Variants in TMEM63B observed in about 807,000 individuals in gnomAD.
TMEM63B encodes transmembrane protein 63B.
Under a neutral mutation model 102.6 loss-of-function variants are expected in TMEM63B, and 23 were observed. The ratio of observed to expected loss-of-function variants is 0.22; its 90% CI spans 0.16 to 0.32. The LOEUF (loss-of-function observed/expected upper bound fraction) is 0.32. TMEM63B is among the 10% of genes least tolerant of loss of function. The pLI, the probability that TMEM63B is intolerant of heterozygous loss-of-function variation, is 1.00. For synonymous variants in TMEM63B, 444 were observed against 437.0 expected, an observed-to-expected ratio of 1.02 and a Z score of -0.20; for missense variants, 628 against 1,095.9, an observed-to-expected ratio of 0.57 and a Z score of 6.03.
At chr6:44,135,463 T>C (rs1264493005) in intron 4 of TMEM63B, 97 bp downstream of exon 4, 4 of 1,466,736 alleles carry the variant, frequency 2.7e-6, no homozygotes, top group Middle Eastern at 1.8e-4. Context: ...CTGGTTTCTT[T>C]TTGCAGTTTT....
chr6:44,134,359 G>A, intron 1 of TMEM63B: 1 of 545,240 alleles, frequency 1.8e-6, no homozygotes, highest in East Asian at 3.0e-5. Context: ...GACCCAGGGT[G>A]GGGTCATAGC....
At chr6:44,138,761 G>A (rs1199900711) in intron 6 of TMEM63B, 5 of 374,952 alleles carry the variant, frequency 1.3e-5, no homozygotes, top group African/African-American at 7.9e-5. Flanking sequence ...TCCCTGCCCT[G>A]CCCCACCTTG....
chr6:44,133,291 G>T (rs1009471210), intron 1 of TMEM63B, among the ~76,000 whole-genome samples: 1 of 152,150 alleles, frequency 6.6e-6, no homozygotes, highest in African/African-American at 2.4e-5. Flanking sequence ...TCTGCCTCTT[G>T]CCCTGTGGTT....
At position 44,153,770 on chromosome 6, in the gene TMEM63B, G is replaced by A. The variant is rs750229781; in HGVS notation, c.2037G>A (p.Gly679=). The change falls in exon 21 of 24, where the codon GGG becomes GGA. Residue 679 remains glycine (G), a synonymous_variant. Coordinates refer to ENST00000323267, the MANE Select transcript of TMEM63B (RefSeq NM_018426.3). ...PAKLDKKIHS[G]AVNQVVAAPI... is the part of the protein sequence containing the mutation. ...AGCTGGACAAGAAGATCCACTCGGGGGCTGTGAACCAGGTGGTGGCCGCGC... is the reference window on the plus strand; with the variant it reads ...AGCTGGACAAGAAGATCCACTCGGGAGCTGTGAACCAGGTGGTGGCCGCGC... The A allele has an allele frequency of 6.2e-7, 1 of 1,614,160 alleles. No individual in the cohort carries two copies. Among genetic ancestry groups the A allele is most frequent in the South Asian group, 1.1e-5 (1 of 91,090 alleles).
intron 9 of TMEM63B, chr6:44,140,580 A>G (rs1764028785): frequency 7.7e-6 from 5 of 653,106 alleles, no homozygotes; most frequent in Non-Finnish European, 1.4e-5. Context: ...GTTGTGGGGA[A>G]TACACAGAAA....
At position 44,152,143 on chromosome 6, in the gene TMEM63B, C is replaced by G; in HGVS notation, c.1836+135C>G. ...GAGTACAGTTGACTCACGGTGGATC[C>G]GGGCCATCCCCTTCCCATATCTGGG... On this transcript the variant is annotated intron_variant, in intron 19 of 23. Transcript: ENST00000323267. This position sits in a 1 kb window ranked among gnomAD's most constrained non-coding sequence, Gnocchi z 6.4. The G allele has an allele frequency of 8.8e-7, 1 of 1,140,732 alleles. No individual in the cohort carries two copies. The highest frequency in any genetic ancestry group is 1.2e-6 in the Non-Finnish European group (1 of 834,480). The allele number at this position is 1,140,732 out of a possible 1,614,324, so 70.7% of individuals were successfully genotyped here. A position where few individuals can be genotyped will look rare whatever the true frequency, so the allele number is the denominator to read the frequency against.
At chr6:44,136,497 C>A in intron 5 of TMEM63B, 58 bp downstream of exon 5, 1 of 1,169,144 alleles carries the variant, frequency 8.6e-7, no homozygotes, top group Non-Finnish European at 1.2e-6. Context: ...GGCACATGGG[C>A]TGAGAAGTCC....
chr6:44,153,843 G>A lies in TMEM63B; in HGVS notation c.2110G>A (p.Gly704Arg). Residue 704 changes from glycine to arginine, a missense_variant and splice_region_variant, in exon 21 of 24, where the codon GGG becomes AGG. Coordinates refer to ENST00000323267, the MANE Select transcript of TMEM63B (RefSeq NM_018426.3). ...WLLFFSTMRT[G>R]FLAPTSMFTF... ...GCTCTTCTTTTCCACCATGCGCACG[G>A]GTGAGGGATCCCTACCCAGGGAACG... The A allele has an allele frequency of 6.2e-7, 1 of 1,612,788 alleles. No individual in the cohort carries two copies. Among genetic ancestry groups the A allele is most frequent in the Non-Finnish European group, 8.5e-7 (1 of 1,179,218 alleles).
At chr6:44,140,900 C>A in intron 9 of TMEM63B, 128 bp from the exon 10 acceptor site, 1 of 764,670 alleles carries the variant, frequency 1.3e-6, no homozygotes, top group Non-Finnish European at 2.2e-6. Context: ...CCATCTGTTC[C>A]CCTCTGCTCA....
chr6:44,153,969 C>A, intron 21 of TMEM63B, 104 bp from the exon 22 acceptor site: 1 of 1,552,798 alleles, frequency 6.4e-7, no homozygotes, highest in South Asian at 1.2e-5. Flanking sequence ...TGGGGCCAGT[C>A]TGTAGCACCT....
intron 10 of TMEM63B, among the ~76,000 whole-genome samples, chr6:44,143,812 G>A (rs1161485975): frequency 6.6e-6 from 1 of 152,078 alleles, no homozygotes; most frequent in Non-Finnish European, 1.5e-5. Context: ...GTTGGGAAGG[G>A]TTGCTATTTC....
Position 44,153,831 on chromosome 6 carries a change from A to G in TMEM63B, c.2098A>G (p.Thr700Ala). The G allele has an allele frequency of 6.2e-7, 1 of 1,613,350 alleles. No homozygotes were observed. Among genetic ancestry groups the G allele is most frequent in the Non-Finnish European group, 8.5e-7 (1 of 1,179,710 alleles). Residue 700 changes from threonine to alanine, a missense_variant, in exon 21 of 24, where the codon ACC becomes GCC. This residue lies in a region of TMEM63B where 11 missense variants were observed against 23.0 expected (regional missense o/e 0.48). Transcript: ENST00000323267. ...LCLFWLLFFS[T>A]MRTGFLAPTS... ...CCTCTTCTGGCTGCTCTTCTTTTCC[A>G]CCATGCGCACGGGTGAGGGATCCCT...
At chr6:44,139,811 C>T (rs1763862601) in intron 8 of TMEM63B, 52 bp downstream of exon 8, 1 of 1,609,884 alleles carries the variant, frequency 6.2e-7, no homozygotes, top group Non-Finnish European at 8.5e-7. Flanking sequence ...AGAGTCTGGG[C>T]CATGATGTGG....
At chr6:44,138,722 G>T in intron 6 of TMEM63B, 2 of 387,792 alleles carry the variant, frequency 5.2e-6, no homozygotes, top group South Asian at 2.9e-5. Flanking sequence ...AATCTCCTCT[G>T]TGACCCCCTG....
At chr6:44,146,058 C>T (rs1024061938) in intron 10 of TMEM63B, among the ~76,000 whole-genome samples, 3 of 152,206 alleles carry the variant, frequency 2.0e-5, no homozygotes, top group South Asian at 2.1e-4. Context: ...AATCTCTTGT[C>T]TGTCTTGGGC....
rs114502059 is a variant in TMEM63B, at chr6:44,137,515, G to A, written c.370-965G>A. The stretch of plus-strand genomic sequence containing the variant: ...CAGATGGTCCCCAGACTCAGGTGAT[G>A]TTGGCAACAGGTAGCATGGTCCTGA... On this transcript the variant is annotated intron_variant, in intron 5 of 23. Coordinates refer to ENST00000323267, the MANE Select transcript of TMEM63B (RefSeq NM_018426.3). Among the ~76,000 whole-genome samples, 1,069 of 152,256 alleles carry A rather than the reference G, an allele frequency of 7.0e-3. 6 individuals are homozygous for A. Among genetic ancestry groups the A allele is most frequent in the Non-Finnish European group, 0.011 (728 of 68,012 alleles).
chr6:44,132,827 C>T (rs553594731), intron 1 of TMEM63B, among the ~76,000 whole-genome samples: 1 of 152,306 alleles, frequency 6.6e-6, no homozygotes, highest in Admixed American at 6.5e-5. Flanking sequence ...ATTTAATGAG[C>T]ATTTATAAAG....
At chr6:44,133,621 C>T (rs1379607721) in intron 1 of TMEM63B, among the ~76,000 whole-genome samples, 2 of 152,224 alleles carry the variant, frequency 1.3e-5, no homozygotes, top group Non-Finnish European at 2.9e-5. Flanking sequence ...AGAACCCAGG[C>T]ACTCAGGCTG....
At chr6:44,135,186 TC>T (rs1762671623) in intron 3 of TMEM63B, 90 bp downstream of exon 3, 1 of 1,573,418 alleles carries the variant, frequency 6.4e-7, no homozygotes, top group East Asian at 2.3e-5. Context: ...CCTCTCTCAT[TC>T]CCCTTTGCTG....
Sources: gnomAD v4.1 joint callset for allele counts (sites outside exome capture counted in the v4.1 genomes callset) on GRCh38, gnomAD v4.1.1 for gene constraint, gnomAD v4.1.1 regional missense constraint, Gnocchi (gnomAD v3.1) non-coding constraint, MANE v1.5 for transcripts, NCBI Gene and HGNC (gene_info 2026-07-23, HGNC 2026-07-21) for gene names.